Variants in FAM171A1 observed in about 807,000 individuals in gnomAD.
The protein encoded by FAM171A1 is protein FAM171A1.
A neutral mutation model predicts 74.9 loss-of-function variants in FAM171A1; 23 were observed. The observed-to-expected ratio is 0.31, with a 90% CI of 0.22 to 0.44. The LOEUF (loss-of-function observed/expected upper bound fraction) is 0.44, where lower values mean the gene tolerates loss of function less well. Among genes scored for constraint, FAM171A1 ranks in the 20% least tolerant of loss-of-function variants. The probability of loss-of-function intolerance (pLI) is 1.00; values close to 1 mark genes in which losing one functional copy is unlikely to be tolerated. For missense variants in FAM171A1, 1,162 were observed against 1,159.2 expected (o/e 1.00, Z -0.03); for synonymous variants, 527 against 505.7 (o/e 1.04, Z -0.57).
At chr10:15,301,742 T>C (rs1008523208) in intron 1 of FAM171A1, among the ~76,000 whole-genome samples, 1 of 152,206 alleles carries the variant, frequency 6.6e-6, no homozygotes, top group African/African-American at 2.4e-5. Context: ...TGGCTACTAC[T>C]GCTGCTCTGA....
rs1486507721 is a variant in FAM171A1, at chr10:15,213,247, C to T, written c.2341G>A (p.Asp781Asn). The change falls in exon 8 of 8, where the codon GAC (aspartate) becomes AAC (asparagine). Residue 781 changes from aspartate to asparagine, a missense_variant. Physicochemically the swap from Asp to Asn is conservative, Grantham distance 23 (BLOSUM62 1). Transcript: ENST00000378116. This position sits in a 1 kb window ranked among gnomAD's most constrained non-coding sequence, Gnocchi z 6.8. ...ACGAGCTGCGTGTAGGCCGTGCTGT[C>T]TGGGGCTCGAGGCTCTTTCTGCTGG... ...EHQQKEPRAP[D>N]STAYTQLVYL... The T allele has an allele frequency of 6.2e-7, 1 of 1,614,068 alleles. No homozygotes were observed. The highest frequency in any genetic ancestry group is 1.1e-5 in the South Asian group (1 of 91,076).
intron 1 of FAM171A1, among the ~76,000 whole-genome samples, chr10:15,323,572 A>G (rs1235937363): frequency 6.6e-6 from 1 of 152,206 alleles, no homozygotes; most frequent in African/African-American, 2.4e-5. Flanking sequence ...AGATCTATTC[A>G]ACAAGCCAAT....
chr10:15,252,153 C>T (rs1834516977), intron 4 of FAM171A1, among the ~76,000 whole-genome samples: 1 of 152,202 alleles, frequency 6.6e-6, no homozygotes, highest in Non-Finnish European at 1.5e-5. Context: ...CACCACGGAA[C>T]ATTCTGTGCT....
chr10:15,230,110 T>G (rs978502990), intron 5 of FAM171A1, among the ~76,000 whole-genome samples: 21 of 152,234 alleles, frequency 1.4e-4, no homozygotes, highest in Non-Finnish European at 2.1e-4. Context: ...ATTGTATACT[T>G]TAACAAAATC....
At chr10:15,359,725 C>T (rs936696080) in intron 1 of FAM171A1, among the ~76,000 whole-genome samples, 13 of 152,230 alleles carry the variant, frequency 8.5e-5, no homozygotes, top group Non-Finnish European at 1.5e-4. Flanking sequence ...AGAGAGACGT[C>T]GCAGAAGGGT....
chr10:15,330,527 T>C (rs1835615185), intron 1 of FAM171A1, among the ~76,000 whole-genome samples: 1 of 152,102 alleles, frequency 6.6e-6, no homozygotes, highest in African/African-American at 2.4e-5. Flanking sequence ...TCGGCCTTTA[T>C]TAATAAGATT....
At chr10:15,276,427 C>T (rs548386808) in intron 2 of FAM171A1, among the ~76,000 whole-genome samples, 2 of 152,342 alleles carry the variant, frequency 1.3e-5, no homozygotes, top group Non-Finnish European at 1.5e-5. Context: ...GATCCACCTG[C>T]CTTGGCCTCC....
At chr10:15,229,682 C>G (rs1344457950) in intron 5 of FAM171A1, among the ~76,000 whole-genome samples, 2 of 149,670 alleles carry the variant, frequency 1.3e-5, no homozygotes, top group African/African-American at 4.9e-5. Flanking sequence ...TCACCATCAT[C>G]ACCATCACCA....
rs187228179 is a variant in FAM171A1, at chr10:15,235,258, C to T, written c.754+13381G>A. Reference sequence around the variant, plus strand: ...CAGAGGTTGCAGTGGGCCGAGATTGCGCCACTGCACTCCAGCCTGGGAGAC... The same window carrying T: ...CAGAGGTTGCAGTGGGCCGAGATTGTGCCACTGCACTCCAGCCTGGGAGAC... On this transcript the variant is annotated intron_variant, in intron 5 of 7. Coordinates refer to ENST00000378116, the MANE Select transcript of FAM171A1 (RefSeq NM_001010924.2). Among the ~76,000 whole-genome samples the T allele has an allele frequency of 2.1e-4, 28 of 133,678 alleles. 1 individual carries two copies. Among genetic ancestry groups the T allele is most frequent in the Admixed American group, 1.6e-3 (19 of 11,844 alleles). 87.7% of individuals were successfully genotyped at this position (133,678 alleles called of 152,430 possible).
At chr10:15,337,286 G>C (rs1187741272) in intron 1 of FAM171A1, among the ~76,000 whole-genome samples, 1 of 152,182 alleles carries the variant, frequency 6.6e-6, no homozygotes, top group African/African-American at 2.4e-5. Context: ...AATGGTCTTT[G>C]ATCTATACTT....
intron 5 of FAM171A1, among the ~76,000 whole-genome samples, chr10:15,236,726 A>T (rs946760516): frequency 6.6e-6 from 1 of 152,234 alleles, no homozygotes; most frequent in Non-Finnish European, 1.5e-5. Flanking sequence ...TCTGAAATAT[A>T]GTGGCTTTAC....
At position 15,217,133 on chromosome 10, in the gene FAM171A1, G is replaced by A. The variant is rs1479872852; in HGVS notation, c.872-1023C>T. Reference sequence around the variant, plus strand: ...GTTATCAAAGATAAAAATATTTTAAGTTTATGTTGTAAAAAATCCCAAGAG... The same window carrying A: ...GTTATCAAAGATAAAAATATTTTAAATTTATGTTGTAAAAAATCCCAAGAG... On this transcript the variant is annotated intron_variant, in intron 6 of 7. Transcript: ENST00000378116. 3.3e-5 allele frequency among the ~76,000 whole-genome samples: 5 copies of A among 152,086 alleles called. No homozygotes were observed. The South Asian group carries it at 1.0e-3, about 31-fold the overall frequency.
intron 5 of FAM171A1, among the ~76,000 whole-genome samples, chr10:15,239,906 A>G (rs1317878590): frequency 1.3e-5 from 2 of 152,356 alleles, no homozygotes; most frequent in Middle Eastern, 3.4e-3. Context: ...ACTTAATCTG[A>G]AAATCCAAAA....
chr10:15,231,096 T>C (rs952060086), intron 5 of FAM171A1, among the ~76,000 whole-genome samples: 2 of 152,212 alleles, frequency 1.3e-5, no homozygotes, highest in African/African-American at 4.8e-5. Flanking sequence ...AAATTACAAA[T>C]CTGGAGACAT....
Position 15,212,876 on chromosome 10 carries a change from G to A in FAM171A1, c.*39C>T. The A allele has an allele frequency of 2.5e-6, 4 of 1,603,642 alleles. No homozygotes were observed. The highest frequency in any genetic ancestry group is 3.4e-6 in the Non-Finnish European group (4 of 1,177,084). On this transcript the variant is annotated 3_prime_UTR_variant, in exon 8 of 8. Coordinates refer to ENST00000378116, the MANE Select transcript of FAM171A1 (RefSeq NM_001010924.2). Reference sequence around the variant, plus strand: ...GCGCTTCCATGAGAAAGGATATTTGGCAATTTTATATTCCACAGTCAGGTG... The same window carrying A: ...GCGCTTCCATGAGAAAGGATATTTGACAATTTTATATTCCACAGTCAGGTG...
chr10:15,239,033 T>C (rs1303621488), intron 5 of FAM171A1, among the ~76,000 whole-genome samples: 4 of 152,222 alleles, frequency 2.6e-5, no homozygotes, highest in African/African-American at 9.7e-5. Context: ...GGTTTGCCTG[T>C]GACCATTCCC....
intron 1 of FAM171A1, among the ~76,000 whole-genome samples, chr10:15,309,754 G>A (rs973523117): frequency 6.6e-6 from 1 of 152,194 alleles, no homozygotes; most frequent in Admixed American, 6.5e-5. Flanking sequence ...AGGACTTGCA[G>A]GAAATCTGCA....
rs545775152 is a variant in FAM171A1 at position 15,334,009 on chromosome 10, C to T, written c.97+36947G>A. ...CTTTCACTGTTACCTCCTGAATCTC[C>T]AAAGCCCCTTCCCTTGGGGAGTGCC... On this transcript the variant is annotated intron_variant, in intron 1 of 7. Coordinates refer to ENST00000378116, the MANE Select transcript of FAM171A1 (RefSeq NM_001010924.2). Among the ~76,000 whole-genome samples the T allele has an allele frequency of 7.2e-5, 11 of 152,284 alleles. 1 individual carries two copies. Among genetic ancestry groups the T allele is most frequent in the African/African-American group, 2.4e-4 (10 of 41,574 alleles).
intron 1 of FAM171A1, among the ~76,000 whole-genome samples, chr10:15,301,729 C>T (rs559865325): frequency 3.9e-5 from 6 of 152,320 alleles, no homozygotes; most frequent in African/African-American, 1.4e-4. Context: ...AATGCAGACA[C>T]TCTGGCTACT....
Sources: gnomAD v4.1 joint callset for allele counts (sites outside exome capture counted in the v4.1 genomes callset) on GRCh38, gnomAD v4.1.1 for gene constraint, Gnocchi (gnomAD v3.1) non-coding constraint, MANE v1.5 for transcripts, NCBI Gene and HGNC (gene_info 2026-07-23, HGNC 2026-07-21) for gene names.